SHC3: variants seen among roughly 807,000 people sequenced by gnomAD.
SHC3 encodes SHC adaptor protein 3.
Under a neutral mutation model 60.4 loss-of-function variants are expected in SHC3, and 15 were observed. That is an observed-to-expected ratio of 0.25 (90% CI 0.17 to 0.38). The LOEUF (loss-of-function observed/expected upper bound fraction) is 0.38, where lower values mean the gene tolerates loss of function less well. SHC3 is among the 10% of genes least tolerant of loss of function. The probability of loss-of-function intolerance (pLI) is 1.00; values close to 1 mark genes in which losing one functional copy is unlikely to be tolerated. For missense variants in SHC3, 677 were observed against 786.1 expected, an observed-to-expected ratio of 0.86 and a Z score of 1.66; for synonymous variants, 294 against 325.9, an observed-to-expected ratio of 0.90 and a Z score of 1.05.
intron 1 of SHC3, among the ~76,000 whole-genome samples, chr9:89,162,268 A>T (rs957954737): frequency 1.4e-3 from 219 of 151,394 alleles, no homozygotes; most frequent in African/African-American, 5.1e-3. Context: ...GAACCAAAAA[A>T]GAGCCCGCAT....
intron 1 of SHC3, among the ~76,000 whole-genome samples, chr9:89,161,676 T>A (rs895641821): frequency 2.6e-5 from 4 of 151,586 alleles, no homozygotes; most frequent in Admixed American, 6.6e-5. Context: ...CTTTGAAAAC[T>A]GGCACAAGAC....
chr9:89,105,223 G>A (rs1381773026), intron 2 of SHC3, among the ~76,000 whole-genome samples: 2 of 152,176 alleles, frequency 1.3e-5, no homozygotes, highest in Non-Finnish European at 2.9e-5. Context: ...TCTGAAGGAT[G>A]TGAGCCCCCT....
intron 1 of SHC3, among the ~76,000 whole-genome samples, chr9:89,156,529 G>C (rs1019480061): frequency 6.6e-6 from 1 of 151,858 alleles, no homozygotes. Flanking sequence ...CACTTAACTA[G>C]TCCTAAAAAA....
chr9:89,174,566 A>G (rs1011249008), intron 1 of SHC3, among the ~76,000 whole-genome samples: 1 of 152,134 alleles, frequency 6.6e-6, no homozygotes, highest in African/African-American at 2.4e-5. Flanking sequence ...ACCTAAAACC[A>G]TTGCTTTTAC....
chr9:89,068,647 C>T (rs902920061), intron 5 of SHC3, among the ~76,000 whole-genome samples: 2 of 150,964 alleles, frequency 1.3e-5, no homozygotes, highest in Non-Finnish European at 2.9e-5. Context: ...TTAAGGATTA[C>T]TAAATGTTTC....
At chr9:89,140,838 C>CA (rs1311199652) in intron 1 of SHC3, among the ~76,000 whole-genome samples, 1 of 151,748 alleles carries the variant, frequency 6.6e-6, no homozygotes, top group East Asian at 1.9e-4. Flanking sequence ...GGCAAAAAGA[C>CA]AAAATGAAGA....
At chr9:89,157,558 G>C (rs1278783293) in intron 1 of SHC3, among the ~76,000 whole-genome samples, 1 of 152,166 alleles carries the variant, frequency 6.6e-6, no homozygotes, top group Admixed American at 6.5e-5. Context: ...TGTTAGATTG[G>C]CAACAAGAAA....
intron 2 of SHC3, among the ~76,000 whole-genome samples, chr9:89,096,015 G>T (rs1587724482): frequency 6.6e-6 from 1 of 152,076 alleles, no homozygotes; most frequent in Non-Finnish European, 1.5e-5. Context: ...GTGGGCGTCT[G>T]GCCACATGTC....
At position 89,105,435 on chromosome 9, in the gene SHC3, G is replaced by A. The variant is rs562738822; in HGVS notation, c.545+7121C>T. 7.9e-5 allele frequency among the ~76,000 whole-genome samples: 12 copies of A among 152,236 alleles called. No individual in the cohort carries two copies. The East Asian group carries it at 1.2e-3, about 15-fold the overall frequency. On this transcript the variant is annotated intron_variant, in intron 2 of 11. Coordinates refer to ENST00000375835, the MANE Select transcript of SHC3 (RefSeq NM_016848.6). ...AGAAAAGACCACACACACCCTCATC[G>A]CTATCTGAAATTACCGTGCTGAACT...
At chr9:89,057,952 C>T (rs899398194) in intron 6 of SHC3, among the ~76,000 whole-genome samples, 1 of 152,032 alleles carries the variant, frequency 6.6e-6, no homozygotes, top group African/African-American at 2.4e-5. Context: ...GAAGAGGGGC[C>T]CAAACATATA....
chr9:89,083,654 G>A lies in SHC3; in HGVS notation c.546-5751C>T, dbSNP rs142119094. ...AGACTTGGATGGTGAGAGTGAAAAC[G>A]AAAAGAAGACCATTTGGAGAAGAAG... On this transcript the variant is annotated intron_variant, in intron 2 of 11. Transcript: ENST00000375835. Among the ~76,000 whole-genome samples, 238 of 152,302 alleles carry A rather than the reference G, an allele frequency of 1.6e-3. 1 individual carries two copies. Among genetic ancestry groups the A allele is most frequent in the African/African-American group, 5.5e-3 (230 of 41,578 alleles).
chr9:89,101,617 A>ATT (rs199967818), intron 2 of SHC3, among the ~76,000 whole-genome samples: 101 of 149,442 alleles, frequency 6.8e-4, no homozygotes, highest in African/African-American at 1.6e-3. Flanking sequence ...ATATATATAT[A>ATT]TATTTTTTTT....
chr9:89,046,807 T>A (rs767000903), intron 8 of SHC3, 37 bp downstream of exon 8: 1 of 1,465,836 alleles, frequency 6.8e-7, no homozygotes, highest in Non-Finnish European at 9.0e-7. Context: ...AGAGTTAGCC[T>A]CCATTCCTTA....
At chr9:89,027,877 G>C (rs1328581239) in intron 11 of SHC3, among the ~76,000 whole-genome samples, 2 of 152,224 alleles carry the variant, frequency 1.3e-5, no homozygotes, top group Non-Finnish European at 2.9e-5. Flanking sequence ...CCTTGCAACA[G>C]TGGGAAGGAG....
At chr9:89,075,308 A>G (rs1825339858) in intron 3 of SHC3, 80 bp from the exon 4 acceptor site, 4 of 1,548,606 alleles carry the variant, frequency 2.6e-6, no homozygotes, top group Non-Finnish European at 2.6e-6. Flanking sequence ...CCATACCCCT[A>G]AACTCTCACT....
At chr9:89,111,141 T>C (rs1311969063) in intron 2 of SHC3, among the ~76,000 whole-genome samples, 1 of 152,194 alleles carries the variant, frequency 6.6e-6, no homozygotes, top group East Asian at 1.9e-4. Flanking sequence ...CAATCAGCAG[T>C]AGATGCTTAA....
chr9:89,116,824 A>G (rs1326442188), intron 1 of SHC3, among the ~76,000 whole-genome samples: 5 of 152,224 alleles, frequency 3.3e-5, no homozygotes, highest in Non-Finnish European at 5.9e-5. Context: ...CAGTTATGTA[A>G]GTACCACCGA....
rs764598959 is a variant in SHC3 at position 89,112,602 on chromosome 9, G to A, written c.499C>T (p.Arg167Cys). The change falls in exon 2 of 12, where the codon CGC becomes TGC. Residue 167 changes from arginine (R) to cysteine (C), a missense_variant. Coordinates refer to ENST00000375835, the MANE Select transcript of SHC3 (RefSeq NM_016848.6). ...CTGAAGTCAAGAGACCTCATTGAGC[G>A]CAGAACTTCAATGCACCCCAAGTAC... ...VKYLGCIEVL[R>C]SMRSLDFSTR... 6.3e-6 allele frequency: 10 copies of A among 1,594,684 alleles called. No individual in the cohort carries two copies. Among genetic ancestry groups the A allele is most frequent in the African/African-American group, 2.7e-5 (2 of 73,742 alleles).
rs1824750921 is a variant in SHC3 at position 89,045,143 on chromosome 9, G to A, written c.1201+603C>T. On this transcript the variant is annotated intron_variant, in intron 9 of 11. Transcript: ENST00000375835. Reference sequence around the variant, plus strand: ...GATGTCAACTTCTCAGCACCCCTGGGCATGGAAGCTCTCCCAGCATGGAGG... The same window carrying A: ...GATGTCAACTTCTCAGCACCCCTGGACATGGAAGCTCTCCCAGCATGGAGG... Among the ~76,000 whole-genome samples, 5 of 152,114 alleles carry A rather than the reference G, an allele frequency of 3.3e-5. No individual in the cohort carries two copies. In the South Asian group the frequency reaches 1.0e-3, roughly 32 times the overall value.
Sources: allele counts gnomAD v4.1 joint callset (sites outside exome capture counted in the v4.1 genomes callset), GRCh38; gene constraint gnomAD v4.1.1; transcripts MANE v1.5; gene names NCBI Gene and HGNC (gene_info 2026-07-23, HGNC 2026-07-21).